The following NELL2 variants were observed in gnomAD, a reference collection of about 807,000 sequenced individuals.
NELL2 encodes neural EGFL like 2, also known as protein kinase C-binding protein NELL2.
Under a neutral mutation model 109.6 loss-of-function variants are expected in NELL2, and 41 were observed. The observed-to-expected ratio is 0.37, with a 90% CI of 0.29 to 0.49. The LOEUF (loss-of-function observed/expected upper bound fraction) is 0.49, where lower values mean the gene tolerates loss of function less well. Among genes scored for constraint, NELL2 ranks in the 20% least tolerant of loss-of-function variants. The pLI, the probability that NELL2 is intolerant of heterozygous loss-of-function variation, is 0.98. For synonymous variants in NELL2, 355 were observed against 344.7 expected (o/e 1.03, Z -0.33); for missense variants, 900 against 1,008.3 (o/e 0.89, Z 1.45).
intron 12 of NELL2, among the ~76,000 whole-genome samples, chr12:44,686,234 C>T (rs1046648834): frequency 2.6e-5 from 4 of 152,178 alleles, no homozygotes; most frequent in Admixed American, 6.5e-5. Context: ...GCATTCTTCA[C>T]GTAGTTCTCG....
chr12:44,593,081 A>G (rs1944818307), intron 15 of NELL2, among the ~76,000 whole-genome samples: 1 of 152,218 alleles, frequency 6.6e-6, no homozygotes, highest in South Asian at 2.1e-4. Context: ...AGTATAAAAA[A>G]GAAAAGCATT....
In NELL2 at chr12:44,768,285, A is replaced by G. The variant is rs187135003; in HGVS notation, c.994+6462T>C. On this transcript the variant is annotated intron_variant, in intron 9 of 19. Coordinates refer to ENST00000429094, the MANE Select transcript of NELL2 (RefSeq NM_001145108.2). ...TCATTTTTTATAATGTTTAAAAGGT[A>G]GCAGCATGCCAAGTGCCTTTTTAAA... 2.7e-3 allele frequency among the ~76,000 whole-genome samples: 407 copies of G among 151,478 alleles called. 5 individuals carry two copies. Among genetic ancestry groups the G allele is most frequent in the Non-Finnish European group, 1.8e-3 (119 of 67,826 alleles).
chr12:44,853,971 A>C (rs900324786), intron 2 of NELL2, among the ~76,000 whole-genome samples: 50 of 152,300 alleles, frequency 3.3e-4, no homozygotes, highest in African/African-American at 1.2e-3. Context: ...CTTTCTTAAC[A>C]ATCCATCAGT....
chr12:44,665,416 T>C, intron 13 of NELL2, 68 bp downstream of exon 13: 3 of 1,406,642 alleles, frequency 2.1e-6, no homozygotes, highest in South Asian at 1.5e-5. Flanking sequence ...AAAATGAGAG[T>C]CAAAGAAATT....
At chr12:44,625,436 T>C (rs923105958) in intron 13 of NELL2, among the ~76,000 whole-genome samples, 1 of 152,134 alleles carries the variant, frequency 6.6e-6, no homozygotes, top group African/African-American at 2.4e-5. Context: ...CAAATGCAAC[T>C]TCAAAAGGAG....
intron 3 of NELL2, among the ~76,000 whole-genome samples, chr12:44,815,149 G>A (rs1421335259): frequency 6.6e-6 from 1 of 151,992 alleles, no homozygotes; most frequent in Non-Finnish European, 1.5e-5. Flanking sequence ...AGCAATTTAT[G>A]TATATGTCAA....
intron 12 of NELL2, among the ~76,000 whole-genome samples, chr12:44,673,977 G>T (rs1948226217): frequency 6.6e-6 from 1 of 151,882 alleles, no homozygotes; most frequent in Admixed American, 6.6e-5. Context: ...AGTATATAAT[G>T]GACATGCACT....
chr12:44,918,760 CCTTT>C (rs1390696071), upstream of NELL2, among the ~76,000 whole-genome samples: 2 of 152,086 alleles, frequency 1.3e-5, no homozygotes, highest in South Asian at 2.1e-4. Context: ...CTGAAACGAG[CCTTT>C]CTATTAATGT....
chr12:44,584,725 C>T (rs890462863), intron 15 of NELL2, among the ~76,000 whole-genome samples: 1 of 152,114 alleles, frequency 6.6e-6, no homozygotes. Context: ...ATCCATGTTG[C>T]TATAAATTCT....
chr12:44,920,244 T>C (rs538365420), intron 1 of NELL2, among the ~76,000 whole-genome samples: 10 of 152,272 alleles, frequency 6.6e-5, no homozygotes, highest in Non-Finnish European at 1.5e-4. Flanking sequence ...TCACAAATGC[T>C]AAAGTAGATA....
At chr12:44,860,648 C>G (rs1329891518) in intron 2 of NELL2, among the ~76,000 whole-genome samples, 1 of 152,208 alleles carries the variant, frequency 6.6e-6, no homozygotes, top group African/African-American at 2.4e-5. Flanking sequence ...ACCTCCCTCT[C>G]CCACAATTAA....
At chr12:44,527,471 A>G (rs1941838349) in intron 16 of NELL2, among the ~76,000 whole-genome samples, 1 of 152,228 alleles carries the variant, frequency 6.6e-6, no homozygotes, top group Non-Finnish European at 1.5e-5. Context: ...AACAATTTGT[A>G]TGAATGCAGC....
intron 2 of NELL2, among the ~76,000 whole-genome samples, chr12:44,852,920 C>A (rs1022727212): frequency 1.3e-5 from 2 of 152,082 alleles, no homozygotes; most frequent in African/African-American, 4.8e-5. Flanking sequence ...TGTAGAGGCA[C>A]CTATGATAAG....
chr12:44,920,504 C>T (rs1313785047), intron 1 of NELL2, among the ~76,000 whole-genome samples: 1 of 152,166 alleles, frequency 6.6e-6, no homozygotes, highest in East Asian at 1.9e-4. Context: ...AATGTAGTCT[C>T]ATCTAAAATT....
intron 15 of NELL2, among the ~76,000 whole-genome samples, chr12:44,577,771 C>A (rs1944162613): frequency 6.6e-6 from 1 of 152,110 alleles, no homozygotes; most frequent in African/African-American, 2.4e-5. Context: ...AGTCACTGCA[C>A]CTGGCCGAGC....
intron 2 of NELL2, among the ~76,000 whole-genome samples, chr12:44,828,090 T>G (rs1235401556): frequency 6.6e-6 from 1 of 152,250 alleles, no homozygotes; most frequent in African/African-American, 2.4e-5. Flanking sequence ...TTCATATAGC[T>G]GTTTGCCATT....
intron 3 of NELL2, among the ~76,000 whole-genome samples, chr12:44,808,356 G>A (rs554236882): frequency 6.6e-6 from 1 of 152,032 alleles, no homozygotes; most frequent in Non-Finnish European, 1.5e-5. Flanking sequence ...TCTTTGATGA[G>A]CACCTGACCA....
chr12:44,520,725 T>C (rs1459236599), intron 18 of NELL2, among the ~76,000 whole-genome samples: 1 of 152,206 alleles, frequency 6.6e-6, no homozygotes, highest in African/African-American at 2.4e-5. Flanking sequence ...TTTTTCAGTG[T>C]AGAGACTTTG....
At chr12:44,514,065 T>TA (rs1259155018) in intron 19 of NELL2, among the ~76,000 whole-genome samples, 3 of 150,138 alleles carry the variant, frequency 2.0e-5, no homozygotes, top group Non-Finnish European at 3.0e-5. Flanking sequence ...TACAAGGGAA[T>TA]AAAAAAACAA....
Sources: allele counts gnomAD v4.1 joint callset (sites outside exome capture counted in the v4.1 genomes callset), GRCh38; gene constraint gnomAD v4.1.1; transcripts MANE v1.5; gene names NCBI Gene and HGNC (gene_info 2026-07-23, HGNC 2026-07-21).